Variants in ST3GAL3 observed in about 807,000 individuals in gnomAD.
The protein encoded by ST3GAL3 is ST3 beta-galactoside alpha-2,3-sialyltransferase 3, also known as CMP-N-acetylneuraminate-beta-1,4-galactoside alpha-2,3-sialyltransferase.
A neutral mutation model predicts 50.1 loss-of-function variants in ST3GAL3; 21 were observed. The observed-to-expected ratio is 0.42, with a 90% confidence interval of 0.30 to 0.60. The LOEUF (loss-of-function observed/expected upper bound fraction) is 0.60. Among genes scored for constraint, ST3GAL3 ranks in the 20% least tolerant of loss-of-function variants. ST3GAL3 has a pLI of 0.19. For missense variants in ST3GAL3, 353 were observed against 489.4 expected (o/e 0.72, Z 2.63); for synonymous variants, 183 against 190.0 (o/e 0.96, Z 0.30).
intron 11 of ST3GAL3, among the ~76,000 whole-genome samples, chr1:43,922,797 C>CAA (rs1304482441): frequency 3.8e-5 from 2 of 52,896 alleles, no homozygotes; most frequent in South Asian, 6.7e-4. Context: ...AAGACTGTCT[C>CAA]AAAAAAGAAA....
chr1:43,882,228 G>C (rs1454977865), intron 5 of ST3GAL3, among the ~76,000 whole-genome samples: 5 of 152,206 alleles, frequency 3.3e-5, no homozygotes, highest in African/African-American at 7.2e-5. Flanking sequence ...GAATGATAAG[G>C]AGACGAGAAC....
At chr1:43,762,141 C>T (rs901627400) in intron 2 of ST3GAL3, among the ~76,000 whole-genome samples, 4 of 150,120 alleles carry the variant, frequency 2.7e-5, no homozygotes, top group East Asian at 1.9e-4. Flanking sequence ...TGTGGTGGCA[C>T]GTGCCTATAG....
intron 5 of ST3GAL3, among the ~76,000 whole-genome samples, chr1:43,861,400 A>C (rs1326774927): frequency 6.6e-6 from 1 of 151,744 alleles, no homozygotes; most frequent in Non-Finnish European, 1.5e-5. Flanking sequence ...CTCAACTCTC[A>C]TGGAGACCTT....
intron 4 of ST3GAL3, among the ~76,000 whole-genome samples, chr1:43,827,379 A>T (rs2062950128): frequency 6.6e-6 from 1 of 152,246 alleles, no homozygotes. Flanking sequence ...CTGATAAAAT[A>T]TGTGTAAATG....
chr1:43,731,751 C>G (rs1305349504), intron 1 of ST3GAL3, among the ~76,000 whole-genome samples: 1 of 151,750 alleles, frequency 6.6e-6, no homozygotes, highest in Non-Finnish European at 1.5e-5. Context: ...CCAGGATGGT[C>G]TTGATCTCCT....
intron 2 of ST3GAL3, among the ~76,000 whole-genome samples, chr1:43,746,456 A>G (rs1042495114): frequency 7.1e-6 from 1 of 141,336 alleles, no homozygotes; most frequent in Non-Finnish European, 1.6e-5. Context: ...TAAACTTAAA[A>G]TGGTAATTTT....
At chr1:43,769,139 A>C (rs1306553948) in intron 2 of ST3GAL3, among the ~76,000 whole-genome samples, 1 of 152,250 alleles carries the variant, frequency 6.6e-6, no homozygotes, top group Non-Finnish European at 1.5e-5. Flanking sequence ...TAGGTTAAAT[A>C]GATTTTTATT....
chr1:43,851,650 G>A, intron 5 of ST3GAL3: 3 of 1,285,484 alleles, frequency 2.3e-6, no homozygotes, highest in Non-Finnish European at 3.4e-6. Context: ...CAACATCGCT[G>A]TCTTTGAGGG....
rs115423685 is a variant in ST3GAL3, at chr1:43,733,362, T to C, written c.-30-2871T>C. 6.6e-3 allele frequency among the ~76,000 whole-genome samples: 1,003 copies of C among 152,308 alleles called. 11 individuals carry two copies. The highest frequency in any genetic ancestry group is 0.023 in the African/African-American group (959 of 41,562). On this transcript the variant is annotated intron_variant, in intron 1 of 11. Coordinates refer to ENST00000347631, the MANE Select transcript of ST3GAL3 (RefSeq NM_006279.5). Reference sequence around the variant, plus strand: ...TCTGAGTCTCACCTGCTTCTCATCATCCCATCCTATTCCCTACAGGTAAGC... The same window carrying C: ...TCTGAGTCTCACCTGCTTCTCATCACCCCATCCTATTCCCTACAGGTAAGC...
chr1:43,794,607 A>G (rs2058477308), intron 3 of ST3GAL3, among the ~76,000 whole-genome samples: 1 of 152,236 alleles, frequency 6.6e-6, no homozygotes, highest in Admixed American at 6.5e-5. Flanking sequence ...GGACATATAT[A>G]TGCAAGATAT....
intron 5 of ST3GAL3, among the ~76,000 whole-genome samples, chr1:43,869,298 T>C (rs1350918762): frequency 6.6e-6 from 1 of 152,186 alleles, no homozygotes. Flanking sequence ...CAGAGCCACG[T>C]AGGACGAGTC....
At chr1:43,896,237 C>G (rs2077372421) in intron 6 of ST3GAL3, among the ~76,000 whole-genome samples, 1 of 152,080 alleles carries the variant, frequency 6.6e-6, no homozygotes, top group Admixed American at 6.5e-5. Flanking sequence ...TGAAACTGCT[C>G]AGTGTCCCGG....
At chr1:43,776,387 A>T (rs1697257706) in intron 2 of ST3GAL3, among the ~76,000 whole-genome samples, 1 of 152,128 alleles carries the variant, frequency 6.6e-6, no homozygotes, top group South Asian at 2.1e-4. Flanking sequence ...ATATTATAAC[A>T]TTTATCTCAT....
At chr1:43,802,905 T>C (rs1424008913) in intron 3 of ST3GAL3, among the ~76,000 whole-genome samples, 1 of 152,168 alleles carries the variant, frequency 6.6e-6, no homozygotes, top group Non-Finnish European at 1.5e-5. Context: ...CCCTATGTTA[T>C]GGCCTCACAG....
chr1:43,759,891 G>C (rs1156352280), intron 2 of ST3GAL3, among the ~76,000 whole-genome samples: 2 of 152,146 alleles, frequency 1.3e-5, no homozygotes, highest in Non-Finnish European at 2.9e-5. Context: ...GTCTACTCAG[G>C]AGGTTGAGAC....
intron 9 of ST3GAL3, chr1:43,920,187 A>C: frequency 4.9e-6 from 3 of 609,836 alleles, no homozygotes; most frequent in East Asian, 5.7e-5. Flanking sequence ...TACACACTGG[A>C]GCCCCACCAC....
chr1:43,756,043 G>T (rs1687906812), intron 2 of ST3GAL3, among the ~76,000 whole-genome samples: 1 of 141,096 alleles, frequency 7.1e-6, no homozygotes, highest in Non-Finnish European at 1.5e-5. Context: ...TGAGGCTGTA[G>T]TGGGCTATAA....
At chr1:43,827,610 C>T (rs765949740) in intron 4 of ST3GAL3, among the ~76,000 whole-genome samples, 9 of 152,164 alleles carry the variant, frequency 5.9e-5, no homozygotes, top group Non-Finnish European at 1.0e-4. Flanking sequence ...TCAAGTGATC[C>T]TCCTACCTCA....
At chr1:43,882,114 G>A (rs570281167) in intron 5 of ST3GAL3, among the ~76,000 whole-genome samples, 2 of 152,346 alleles carry the variant, frequency 1.3e-5, no homozygotes, top group Non-Finnish European at 2.9e-5. Flanking sequence ...GAACACTGAT[G>A]ACCCAGAGGA....
Sources: allele counts gnomAD v4.1 joint callset (sites outside exome capture counted in the v4.1 genomes callset), GRCh38; gene constraint gnomAD v4.1.1; transcripts MANE v1.5; gene names NCBI Gene and HGNC (gene_info 2026-07-23, HGNC 2026-07-21).